The following TUB variants were observed in gnomAD, a reference collection of about 807,000 sequenced individuals.
TUB encodes the protein tubby protein homolog.
A neutral mutation model predicts 59.7 loss-of-function variants in TUB; 33 were observed. The ratio of observed to expected loss-of-function variants is 0.55; its 90% CI spans 0.42 to 0.74. The LOEUF (loss-of-function observed/expected upper bound fraction) is 0.74. TUB is among the 30% of genes least tolerant of loss of function. The probability of loss-of-function intolerance (pLI) is 0.00; values close to 1 mark genes in which losing one functional copy is unlikely to be tolerated. For synonymous variants in TUB, 293 were observed against 256.4 expected (o/e 1.14, Z -1.36); for missense variants, 659 against 672.0 (o/e 0.98, Z 0.21).
At chr11:8,044,509 T>C (rs1278104314) in intron 2 of TUB, among the ~76,000 whole-genome samples, 2 of 152,232 alleles carry the variant, frequency 1.3e-5, no homozygotes, top group Admixed American at 6.5e-5. Flanking sequence ...GTCATCTGTG[T>C]CTTCCTACTT....
At chr11:8,097,159 G>T in intron 6 of TUB, 69 bp from the exon 7 acceptor site, 3 of 1,563,868 alleles carry the variant, frequency 1.9e-6, no homozygotes, top group Non-Finnish European at 2.6e-6. Flanking sequence ...GGCAGATTTG[G>T]ATCCCAGACC....
At chr11:8,026,171 G>A (rs1942497994) in intron 1 of TUB, among the ~76,000 whole-genome samples, 2 of 152,102 alleles carry the variant, frequency 1.3e-5, no homozygotes, top group Non-Finnish European at 2.9e-5. Flanking sequence ...TTCTTTTTGA[G>A]TTTTGAGAGT....
chr11:8,101,578 A>G lies in TUB; in HGVS notation c.1480A>G (p.Ile494Val), dbSNP rs754169303. The G allele has an allele frequency of 1.2e-6, 2 of 1,614,208 alleles. No individual in the cohort carries two copies. The highest frequency in any genetic ancestry group is 1.7e-6 in the Non-Finnish European group (2 of 1,180,036). Residue 494 changes from isoleucine (I) to valine (V), a missense_variant, in exon 12 of 12, where the codon ATT becomes GTT. Ile to Val is a conservative substitution (Grantham distance 29). This residue lies in a region of TUB where 226 missense variants were observed against 210.8 expected (regional missense o/e 1.07). Coordinates refer to ENST00000299506, the MANE Select transcript of TUB (RefSeq NM_177972.3). ...GCTGTGTGCACTGCAGGCCTTTGCC[A>G]TTGCCCTGTCCAGCTTCGACAGCAA... ...YPLCALQAFA[I>V]ALSSFDSKLA...
At chr11:8,054,635 G>T (rs1280299046) in intron 2 of TUB, among the ~76,000 whole-genome samples, 1 of 152,238 alleles carries the variant, frequency 6.6e-6, no homozygotes, top group East Asian at 1.9e-4. Context: ...CTTGATGTGT[G>T]TCCTGGCATA....
At chr11:8,053,906 G>A (rs1290974381) in intron 2 of TUB, among the ~76,000 whole-genome samples, 3 of 150,058 alleles carry the variant, frequency 2.0e-5, no homozygotes, top group Non-Finnish European at 3.0e-5. Flanking sequence ...AAGAGGTCAG[G>A]AGATCGAGAC....
intron 1 of TUB, among the ~76,000 whole-genome samples, chr11:8,024,205 C>T (rs1942470026): frequency 6.6e-6 from 1 of 152,222 alleles, no homozygotes; most frequent in African/African-American, 2.4e-5. Flanking sequence ...ACTTTTTATT[C>T]CCTCACGTAT....
upstream of TUB, chr11:8,038,536 G>C (rs112254854): frequency 2.1e-6 from 2 of 972,600 alleles, no homozygotes; most frequent in Non-Finnish European, 2.5e-6. Context: ...TCTCTGCCTG[G>C]GTTGCTATAG....
chr11:8,096,283 C>T (rs142994471), intron 5 of TUB, among the ~76,000 whole-genome samples: 24 of 152,308 alleles, frequency 1.6e-4, no homozygotes, highest in African/African-American at 4.1e-4. Flanking sequence ...TGGTCTATGC[C>T]AGCCAAGGCC....
intron 2 of TUB, among the ~76,000 whole-genome samples, chr11:8,073,020 A>G (rs1187022883): frequency 1.3e-5 from 2 of 152,222 alleles, no homozygotes; most frequent in Non-Finnish European, 2.9e-5. Flanking sequence ...CATGAAGCAC[A>G]GAGAGAGGAC....
At chr11:8,019,301 C>T in exon 1 of TUB, 3 of 1,272,896 alleles carry the variant, frequency 2.4e-6, no homozygotes, top group Non-Finnish European at 2.0e-6. Flanking sequence ...CCGGAGGCGG[C>T]GATGGAGGGA....
chr11:8,032,103 CCGCCTGGGGAAAGGCCGGGAG>C (rs879340280), intron 1 of TUB, among the ~76,000 whole-genome samples: 159 of 151,906 alleles, frequency 1.0e-3, no homozygotes, highest in African/African-American at 1.4e-3. Context: ...GGTGAGTGTC[CCGCCTGGGGAAAGGCCGGGAG>C]CGCCTGGGGA....
At chr11:8,059,839 C>T (rs530805732) in intron 2 of TUB, among the ~76,000 whole-genome samples, 29 of 152,028 alleles carry the variant, frequency 1.9e-4, no homozygotes, top group Non-Finnish European at 3.7e-4. Flanking sequence ...GTGTAATGTT[C>T]CTGGAGCAGG....
chr11:8,036,709 C>T (rs1158587739), upstream of TUB, among the ~76,000 whole-genome samples: 2 of 152,176 alleles, frequency 1.3e-5, no homozygotes, highest in Non-Finnish European at 2.9e-5. Context: ...GGCTGCCTGC[C>T]CCAGGGAGCT....
At chr11:8,093,339 G>A (rs1445435121) in intron 3 of TUB, among the ~76,000 whole-genome samples, 2 of 152,152 alleles carry the variant, frequency 1.3e-5, no homozygotes, top group East Asian at 1.9e-4. Flanking sequence ...AGCCTGGTGT[G>A]GCTGCAACTC....
chr11:8,045,145 G>T (rs983374956), intron 2 of TUB, among the ~76,000 whole-genome samples: 3 of 151,966 alleles, frequency 2.0e-5, no homozygotes, highest in Non-Finnish European at 4.4e-5. Flanking sequence ...TAATCACATG[G>T]TTGGTTCCTT....
At chr11:8,089,099 C>T (rs933081685) in intron 1 of TUB, among the ~76,000 whole-genome samples, 5 of 152,246 alleles carry the variant, frequency 3.3e-5, no homozygotes, top group African/African-American at 1.2e-4. Flanking sequence ...CTCTGCCCAC[C>T]TGGAAAGCTA....
At chr11:8,043,431 T>G (rs1942783715) in intron 2 of TUB, among the ~76,000 whole-genome samples, 1 of 152,200 alleles carries the variant, frequency 6.6e-6, no homozygotes, top group Non-Finnish European at 1.5e-5. Flanking sequence ...TTACAAATTT[T>G]AGAATCTGCT....
intron 2 of TUB, among the ~76,000 whole-genome samples, chr11:8,070,966 A>T (rs1943350135): frequency 6.6e-6 from 1 of 152,070 alleles, no homozygotes; most frequent in South Asian, 2.1e-4. Flanking sequence ...GCTGGAGGGA[A>T]AGGGGGTGCA....
upstream of TUB, among the ~76,000 whole-genome samples, chr11:8,034,878 C>G (rs1473716395): frequency 6.6e-6 from 1 of 152,218 alleles, no homozygotes; most frequent in Non-Finnish European, 1.5e-5. Context: ...ATGCTAGGCA[C>G]CTGTGCTCCC....
Sources: gnomAD v4.1 joint callset for allele counts (sites outside exome capture counted in the v4.1 genomes callset) on GRCh38, gnomAD v4.1.1 for gene constraint, gnomAD v4.1.1 regional missense constraint, MANE v1.5 for transcripts, NCBI Gene and HGNC (gene_info 2026-07-23, HGNC 2026-07-21) for gene names.